Variants in PTGER3 observed in about 807,000 individuals in gnomAD.
The protein encoded by PTGER3 is prostaglandin E2 receptor EP3 subtype.
A neutral mutation model predicts 34.7 loss-of-function variants in PTGER3; 22 were observed. The observed-to-expected ratio is 0.63, with a 90% confidence interval of 0.45 to 0.91. The LOEUF is 0.91. PTGER3 is among the 40% of genes least tolerant of loss of function. PTGER3 has a pLI of 0.00. For synonymous variants in PTGER3, 241 were observed against 230.1 expected (o/e 1.05, Z -0.43); for missense variants, 468 against 519.4 (o/e 0.90, Z 0.96).
intron 4 of PTGER3, among the ~76,000 whole-genome samples, chr1:70,876,299 T>C (rs1646271594): frequency 6.6e-6 from 1 of 151,712 alleles, no homozygotes; most frequent in South Asian, 2.1e-4. Context: ...TTTTTTTGCT[T>C]ATTAATGTGT....
chr1:70,998,024 T>C (rs1656138288), intron 2 of PTGER3, among the ~76,000 whole-genome samples: 1 of 152,202 alleles, frequency 6.6e-6, no homozygotes, highest in African/African-American at 2.4e-5. Flanking sequence ...GGCACATTGG[T>C]TTAGCACCTT....
At chr1:71,027,157 G>A (rs1658997419) in intron 1 of PTGER3, among the ~76,000 whole-genome samples, 1 of 152,080 alleles carries the variant, frequency 6.6e-6, no homozygotes, top group African/African-American at 2.4e-5. Flanking sequence ...TATATTTGAT[G>A]TAAGTTTCTT....
chr1:71,040,257 A>G (rs558389713), intron 1 of PTGER3, among the ~76,000 whole-genome samples: 1 of 152,190 alleles, frequency 6.6e-6, no homozygotes, highest in African/African-American at 2.4e-5. Context: ...GCCAAAAGTA[A>G]TTGCTTATTT....
chr1:70,865,027 T>G (rs891069957), intron 4 of PTGER3, among the ~76,000 whole-genome samples: 1 of 152,098 alleles, frequency 6.6e-6, no homozygotes, highest in African/African-American at 2.4e-5. Flanking sequence ...GACGTGACAG[T>G]GTCATGTGGA....
intron 4 of PTGER3, among the ~76,000 whole-genome samples, chr1:70,887,170 G>A (rs1646516410): frequency 1.3e-5 from 2 of 152,110 alleles, no homozygotes; most frequent in East Asian, 3.9e-4. Context: ...AGAGGGGAAA[G>A]GACATTTATA....
At chr1:71,001,463 T>G (rs570932395) in intron 2 of PTGER3, among the ~76,000 whole-genome samples, 22 of 152,324 alleles carry the variant, frequency 1.4e-4, no homozygotes, top group African/African-American at 5.3e-4. Context: ...GCAATTTGGT[T>G]GAGAAAAGAA....
At chr1:70,966,862 G>T (rs942632269), downstream of PTGER3, among the ~76,000 whole-genome samples, 1 of 152,096 alleles carries the variant, frequency 6.6e-6, no homozygotes, top group Non-Finnish European at 1.5e-5. Flanking sequence ...ATGGGCATTT[G>T]TGTTGGTTCC....
intron 2 of PTGER3, among the ~76,000 whole-genome samples, chr1:70,964,106 T>C (rs1198555620): frequency 6.6e-6 from 1 of 152,182 alleles, no homozygotes; most frequent in Non-Finnish European, 1.5e-5. Context: ...CTGGATTTCA[T>C]TGTCCACATC....
chr1:71,034,615 G>A (rs1659671576), intron 1 of PTGER3, among the ~76,000 whole-genome samples: 1 of 152,156 alleles, frequency 6.6e-6, no homozygotes, highest in Non-Finnish European at 1.5e-5. Context: ...AAAAATAAAT[G>A]TAGTATTGCT....
chr1:70,865,793 C>T (rs944756085), intron 4 of PTGER3: 8 of 1,366,824 alleles, frequency 5.9e-6, no homozygotes, highest in Non-Finnish European at 7.8e-6. Flanking sequence ...AGCACAGAAC[C>T]TTGAAGGATC....
chr1:70,908,757 A>G (rs1034309417), intron 4 of PTGER3, among the ~76,000 whole-genome samples: 5 of 152,178 alleles, frequency 3.3e-5, no homozygotes, highest in Non-Finnish European at 7.3e-5. Flanking sequence ...CATACTCACA[A>G]ATGCCCCCAA....
intron 2 of PTGER3, among the ~76,000 whole-genome samples, chr1:70,956,738 T>C (rs1463357637): frequency 6.6e-6 from 1 of 152,144 alleles, no homozygotes; most frequent in Non-Finnish European, 1.5e-5. Flanking sequence ...GTGTGGTGGC[T>C]CACAGCTGTA....
Position 70,865,706 on chromosome 1 carries a change from G to A in PTGER3, c.*24-12847C>T, listed in dbSNP as rs1237777008. On this transcript the variant is annotated intron_variant, in intron 4 of 4. Transcript: ENST00000370931. ...TTACTTACTAAGAAGTTTGAAGCTC[G>A]CAAGTGTTAGTGGAAGTTGTGGATG... is the stretch of plus-strand genomic sequence containing the variant. The A allele has an allele frequency of 4.4e-6, 6 of 1,366,192 alleles. No individual in the cohort carries two copies. The highest frequency in any genetic ancestry group is 4.6e-5 in the East Asian group (1 of 21,978). 84.6% of individuals were successfully genotyped at this position (1,366,192 alleles called of 1,614,324 possible). A position where few individuals can be genotyped will look rare whatever the true frequency, so the allele number is the denominator to read the frequency against.
At chr1:71,016,658 C>A (rs191383404) in intron 1 of PTGER3, among the ~76,000 whole-genome samples, 1 of 152,054 alleles carries the variant, frequency 6.6e-6, no homozygotes, top group East Asian at 1.9e-4. Context: ...CAAAAATTAG[C>A]CGGGCATGAT....
chr1:71,013,833 TG>T (rs1421995250), intron 1 of PTGER3, among the ~76,000 whole-genome samples: 1 of 152,132 alleles, frequency 6.6e-6, no homozygotes, highest in Non-Finnish European at 1.5e-5. Flanking sequence ...ATAACAGCAT[TG>T]TTCATAATAG....
Position 70,955,514 on chromosome 1 carries a change from G to A in PTGER3, c.1078-1725C>T, listed in dbSNP as rs549276494. On this transcript the variant is annotated intron_variant, in intron 2 of 3. Coordinates refer to the PTGER3 transcript ENST00000356595. Reference sequence around the variant, plus strand: ...AGATGGAGGAAAGGAAGAAGGGAAGGAAGATAAGGAGGAAGGGAGAGAGGG... The same window carrying A: ...AGATGGAGGAAAGGAAGAAGGGAAGAAAGATAAGGAGGAAGGGAGAGAGGG... 2.6e-5 allele frequency among the ~76,000 whole-genome samples: 4 copies of A among 152,184 alleles called. No homozygotes were observed. The South Asian group carries it at 8.3e-4, about 32-fold the overall frequency.
intron 4 of PTGER3, among the ~76,000 whole-genome samples, chr1:70,915,483 G>A (rs1647155158): frequency 1.3e-5 from 2 of 151,958 alleles, no homozygotes; most frequent in Admixed American, 6.6e-5. Context: ...GAGCATACTG[G>A]TTAAGGTCAC....
intron 4 of PTGER3, among the ~76,000 whole-genome samples, chr1:70,870,630 C>T (rs1025383775): frequency 2.2e-4 from 34 of 152,208 alleles, no homozygotes; most frequent in Admixed American, 2.0e-3. Context: ...TAGAAGAACT[C>T]AGACCACATC....
chr1:71,024,747 G>T (rs1404782978), intron 1 of PTGER3, among the ~76,000 whole-genome samples: 2 of 150,064 alleles, frequency 1.3e-5, no homozygotes, highest in African/African-American at 2.4e-5. Context: ...TAGAGATGGG[G>T]TTTCACCGTG....
Sources: gnomAD v4.1 joint callset for allele counts (sites outside exome capture counted in the v4.1 genomes callset) on GRCh38, gnomAD v4.1.1 for gene constraint, MANE v1.5 for transcripts, NCBI Gene and HGNC (gene_info 2026-07-23, HGNC 2026-07-21) for gene names.